The following CYP51A1 variants were observed in gnomAD, a reference collection of about 807,000 sequenced individuals.
The protein encoded by CYP51A1 is lanosterol 14-alpha demethylase.
A neutral mutation model predicts 53.5 loss-of-function variants in CYP51A1; 45 were observed. The observed-to-expected ratio is 0.84, with a 90% CI of 0.66 to 1.08. The LOEUF (loss-of-function observed/expected upper bound fraction) is 1.08, where lower values mean the gene tolerates loss of function less well. Among genes scored for constraint, CYP51A1 ranks in the 50% least tolerant of loss-of-function variants. CYP51A1 has a pLI of 0.00. For missense variants in CYP51A1, 462 were observed against 621.7 expected (o/e 0.74, Z 2.73); for synonymous variants, 181 against 217.7 (o/e 0.83, Z 1.48).
chr7:92,133,315 C>A (rs55801687), intron 1 of CYP51A1, among the ~76,000 whole-genome samples: 60,116 of 151,048 alleles, frequency 0.4, 12,242 homozygotes, highest in African/African-American at 0.46. Flanking sequence ...AGTCCAGTGG[C>A]GCAATCTCGG....
chr7:92,128,312 A>T (rs1819841871), intron 3 of CYP51A1, among the ~76,000 whole-genome samples: 1 of 152,186 alleles, frequency 6.6e-6, no homozygotes, highest in South Asian at 2.1e-4. Flanking sequence ...CAAATATAAA[A>T]CTAAATACCC....
chr7:92,134,596 G>C, upstream of CYP51A1: 1 of 504,850 alleles, frequency 2.0e-6, no homozygotes, highest in South Asian at 3.1e-5. Context: ...GTCTTCTTGC[G>C]CGGGATAGGG....
At chr7:92,125,734 G>T (rs1017844932) in intron 5 of CYP51A1, among the ~76,000 whole-genome samples, 1 of 152,178 alleles carries the variant, frequency 6.6e-6, no homozygotes, top group Non-Finnish European at 1.5e-5. Flanking sequence ...AGTGGCTCAC[G>T]CCTGTAATCC....
At chr7:92,120,295 G>A (rs937563378) in intron 7 of CYP51A1, among the ~76,000 whole-genome samples, 4 of 152,174 alleles carry the variant, frequency 2.6e-5, no homozygotes, top group Non-Finnish European at 4.4e-5. Context: ...GGGACTAGGA[G>A]TAGATAAACA....
At chr7:92,132,103 G>A (rs1315044575) in intron 1 of CYP51A1, among the ~76,000 whole-genome samples, 4 of 152,116 alleles carry the variant, frequency 2.6e-5, no homozygotes, top group East Asian at 1.9e-4. Context: ...TAAGATAAAC[G>A]ACCAGATAAA....
intron 1 of CYP51A1, 67 bp downstream of exon 1, chr7:92,134,106 C>G: frequency 1.3e-6 from 2 of 1,516,964 alleles, no homozygotes; most frequent in South Asian, 2.3e-5. Flanking sequence ...CGGAGCCGCC[C>G]ACGCCAGCCC....
At position 92,134,375 on chromosome 7, in the gene CYP51A1, G is replaced by T; in HGVS notation, c.-11C>A. ...AGCCGCCGCCGCCATTCACTCCGTCGGAAACACTGAAGGCCGAGGTCGCCA... is the reference window on the plus strand; with the variant it reads ...AGCCGCCGCCGCCATTCACTCCGTCTGAAACACTGAAGGCCGAGGTCGCCA... On this transcript the variant is annotated 5_prime_UTR_variant, in exon 1 of 10. Transcript: ENST00000003100. 1 of 1,566,512 alleles carries T rather than the reference G, an allele frequency of 6.4e-7. No homozygotes were observed.
intron 1 of CYP51A1, 135 bp from the exon 2 acceptor site, chr7:92,132,007 A>C (rs1416328876): frequency 1.6e-6 from 1 of 637,872 alleles, no homozygotes; most frequent in Non-Finnish European, 2.9e-6. Context: ...AAAAGGAAGC[A>C]TCAGAAGTAA....
chr7:92,122,960 T>C (rs545180888), intron 7 of CYP51A1, among the ~76,000 whole-genome samples, 160 bp downstream of exon 7: 2 of 152,192 alleles, frequency 1.3e-5, no homozygotes, highest in Non-Finnish European at 2.9e-5. Context: ...AGCAATAACA[T>C]TAAGATATTT....
intron 1 of CYP51A1, among the ~76,000 whole-genome samples, chr7:92,133,569 G>T (rs1436180412): frequency 6.6e-6 from 1 of 152,180 alleles, no homozygotes; most frequent in Non-Finnish European, 1.5e-5. Flanking sequence ...TCCCGGCCGA[G>T]AAACTGTTAC....
chr7:92,118,054 A>T (rs1164067281), intron 8 of CYP51A1, among the ~76,000 whole-genome samples: 2 of 151,880 alleles, frequency 1.3e-5, no homozygotes, highest in African/African-American at 4.8e-5. Flanking sequence ...TTTTTAGAGT[A>T]TATAAAACTG....
At position 92,113,047 on chromosome 7, in the gene CYP51A1, T is replaced by C. The variant is rs1819484941; in HGVS notation, c.*618A>G. On this transcript the variant is annotated 3_prime_UTR_variant, in exon 10 of 10. Transcript: ENST00000003100. ...TATTTTTAGGAACTCTTATCAAATA[T>C]GGTCCTGGATCTCTTAATTTCCCAT... The C allele has an allele frequency of 6.6e-6, 1 of 152,220 alleles. No individual in the cohort carries two copies. Among genetic ancestry groups the C allele is most frequent in the African/African-American group, 2.4e-5 (1 of 41,454 alleles). The allele number at this position is 152,220 out of a possible 1,614,324, so 9.4% of individuals were successfully genotyped here.
At chr7:92,124,932 G>A (rs538888995) in intron 5 of CYP51A1, among the ~76,000 whole-genome samples, 102 of 152,034 alleles carry the variant, frequency 6.7e-4, no homozygotes, top group Middle Eastern at 3.4e-3. Flanking sequence ...TCACAAGGTC[G>A]GGAGATCAAG....
chr7:92,124,915 G>A (rs935139597), intron 5 of CYP51A1, among the ~76,000 whole-genome samples: 4 of 152,038 alleles, frequency 2.6e-5, no homozygotes, highest in Non-Finnish European at 5.9e-5. Flanking sequence ...AGGCCGAGGC[G>A]GGCGGATCAC....
intron 7 of CYP51A1, among the ~76,000 whole-genome samples, chr7:92,121,134 ACAAAAATTAGCCAGG>A (rs1238749526): frequency 6.6e-6 from 1 of 152,092 alleles, no homozygotes; most frequent in East Asian, 1.9e-4. Context: ...TACCAAAAAT[ACAAAAATTAGCCAGG>A]CGTGGTGGTG....
In CYP51A1 at chr7:92,112,519, T is replaced by A. The variant is rs1819413146; in HGVS notation, c.*1146A>T. On this transcript the variant is annotated 3_prime_UTR_variant, in exon 10 of 10. Coordinates refer to ENST00000003100, the MANE Select transcript of CYP51A1 (RefSeq NM_000786.4). The stretch of plus-strand genomic sequence containing the variant: ...CAATATGAGTAGTAACAAACATCCC[T>A]AATTGGATTCTAGAGAGGAAGCAGG... 2.0e-5 allele frequency: 3 copies of A among 152,286 alleles called. No individual in the cohort carries two copies. The highest frequency in any genetic ancestry group is 2.1e-4 in the South Asian group (1 of 4,830). 9.4% of individuals were successfully genotyped at this position (152,286 alleles called of 1,614,324 possible).
chr7:92,113,688 G>C lies in CYP51A1; in HGVS notation c.1507C>G (p.Arg503Gly). The change falls in exon 10 of 10, where the codon CGT becomes GGT. Residue 503 changes from arginine to glycine, a missense_variant. Coordinates refer to ENST00000003100, the MANE Select transcript of CYP51A1 (RefSeq NM_000786.4). ...TTTCATTTTGATCTTCGTTTGTAACGGATAACTGGGTTTTCAGGGGTGTGA... is the reference window on the plus strand; with the variant it reads ...TTTCATTTTGATCTTCGTTTGTAACCGATAACTGGGTTTTCAGGGGTGTGA... The part of the protein sequence containing the change: ...MIHTPENPVI[R>G]YKRRSK 1 of 1,611,296 alleles carries C rather than the reference G, an allele frequency of 6.2e-7. No homozygotes were observed. Among genetic ancestry groups the C allele is most frequent in the Non-Finnish European group, 8.5e-7 (1 of 1,179,430 alleles).
intron 9 of CYP51A1, 69 bp downstream of exon 9, chr7:92,116,975 G>A (rs928006366): frequency 5.6e-6 from 8 of 1,441,402 alleles, no homozygotes; most frequent in African/African-American, 2.9e-5. Context: ...AACACAATTC[G>A]GAATATTTTG....
At chr7:92,122,995 T>C (rs1819719926) in intron 7 of CYP51A1, 125 bp downstream of exon 7, 2 of 709,352 alleles carry the variant, frequency 2.8e-6, no homozygotes, top group Admixed American at 6.0e-5. Context: ...GGGAATTTGC[T>C]AAAAATAGAG....
Sources: allele counts gnomAD v4.1 joint callset (sites outside exome capture counted in the v4.1 genomes callset), GRCh38; gene constraint gnomAD v4.1.1; transcripts MANE v1.5; gene names NCBI Gene and HGNC (gene_info 2026-07-23, HGNC 2026-07-21).